HAUS4: variants seen among roughly 807,000 people sequenced by gnomAD.
HAUS4 encodes HAUS augmin-like complex subunit 4.
A neutral mutation model predicts 50.6 loss-of-function variants in HAUS4; 34 were observed. The ratio of observed to expected loss-of-function variants is 0.67; its 90% confidence interval spans 0.51 to 0.90. The LOEUF (loss-of-function observed/expected upper bound fraction) is 0.90. HAUS4 is among the 40% of genes least tolerant of loss of function. The pLI, the probability that HAUS4 is intolerant of heterozygous loss-of-function variation, is 0.00. For missense variants in HAUS4, 370 were observed against 428.7 expected (o/e 0.86, Z 1.21); for synonymous variants, 149 against 161.4 (o/e 0.92, Z 0.58).
In HAUS4 at chr14:22,952,385, C is replaced by A. The variant is rs960566552; in HGVS notation, c.273G>T (p.Leu91Phe). ...SEILHRVIQE[L>F]LVDYYVKIQD... ...GTATCTTCACATAGTAGTCCACAAG[C>A]AACTCTTGAATGACTCTGTGTAAAA... Residue 91 changes from leucine to phenylalanine, a missense_variant, in exon 4 of 10, where the codon TTG (leucine) becomes TTT (phenylalanine). Coordinates refer to ENST00000541587, the MANE Select transcript of HAUS4 (RefSeq NM_001166269.2). The A allele has an allele frequency of 6.2e-6, 10 of 1,613,940 alleles. No homozygotes were observed. In the Admixed American group the frequency reaches 1.5e-4, roughly 24 times the overall value.
chr14:22,947,713 T>C lies in HAUS4; in HGVS notation c.727A>G (p.Thr243Ala), dbSNP rs1364715705. The change falls in exon 8 of 10, where the codon ACT (threonine) becomes GCT (alanine). Residue 243 changes from threonine to alanine, a missense_variant. By Grantham distance (58) the Thr-to-Ala change is moderately conservative (BLOSUM62 0). Transcript: ENST00000541587. Reference sequence around the variant, plus strand: ...TCTTGAAGAAGCCTCTGCAGCAAAGTGAGGCAGCGGAGAAGCACCTGAGCC... The same window carrying C: ...TCTTGAAGAAGCCTCTGCAGCAAAGCGAGGCAGCGGAGAAGCACCTGAGCC... ...AYSQVLLRCLTLLQRLLQEHR... is the reference protein window; with the variant it reads ...AYSQVLLRCLALLQRLLQEHR... 6.2e-7 allele frequency: 1 copy of C among 1,613,994 alleles called. No homozygotes were observed. Among genetic ancestry groups the C allele is most frequent in the South Asian group, 1.1e-5 (1 of 91,072 alleles).
chr14:22,946,781 CTTTTT>C, intron 9 of HAUS4, 73 bp from the exon 10 acceptor site: 188 of 596,200 alleles, frequency 3.2e-4, no homozygotes, highest in African/African-American at 5.2e-4. Flanking sequence ...AAATGAAAAA[CTTTTT>C]TTTTTTTTTT....
intron 2 of HAUS4, chr14:22,954,685 C>T (rs1000901034): frequency 1.9e-5 from 3 of 156,618 alleles, no homozygotes; most frequent in African/African-American, 7.3e-5. Context: ...TCCTCAGAAA[C>T]ACATGCTTCT....
chr14:22,955,702 C>G (rs2044849564), intron 1 of HAUS4: 1 of 151,502 alleles, frequency 6.6e-6, no homozygotes, highest in African/African-American at 2.4e-5. Flanking sequence ...AATCATCCTT[C>G]AGGAATGACA....
chr14:22,948,584 G>A (rs1385864584), intron 6 of HAUS4, among the ~76,000 whole-genome samples: 7 of 151,620 alleles, frequency 4.6e-5, no homozygotes, highest in Non-Finnish European at 7.4e-5. Flanking sequence ...CACCTCGGCC[G>A]GAGTGCAGTG....
At chr14:22,950,998 T>A (rs1260939890) in intron 5 of HAUS4, among the ~76,000 whole-genome samples, 6 of 152,118 alleles carry the variant, frequency 3.9e-5, no homozygotes, top group Non-Finnish European at 7.4e-5. Context: ...TACATGAAAA[T>A]AGACTGTACT....
Position 22,951,625 on chromosome 14 carries a change from T to G in HAUS4, c.395A>C (p.Gln132Pro), listed in dbSNP as rs761536848. The change falls in exon 5 of 10, where the codon CAG (glutamine) becomes CCG (proline). Residue 132 changes from glutamine (Q) to proline (P), a missense_variant. Physicochemically the swap from Gln to Pro is moderately conservative, Grantham distance 76. Transcript: ENST00000541587. ...CAGCAGTGGAGGTATCTCCCTCTCC[T>G]GGCTAGGACCTAAGAGCCGCATCAG... ...TELMRLLGPS[Q>P]EREIPPLLGL... The G allele has an allele frequency of 6.2e-7, 1 of 1,613,992 alleles. No individual in the cohort carries two copies.
intron 2 of HAUS4, 94 bp from the exon 3 acceptor site, chr14:22,952,777 C>G (rs2044779239): frequency 6.9e-6 from 7 of 1,013,172 alleles, no homozygotes; most frequent in Non-Finnish European, 9.6e-6. Context: ...CCAAAAAACC[C>G]CTAGGATTTT....
In HAUS4 at chr14:22,946,304, T is replaced by G. The variant is rs2044642047; in HGVS notation, c.*221A>C. On this transcript the variant is annotated 3_prime_UTR_variant, in exon 10 of 10. Coordinates refer to ENST00000541587, the MANE Select transcript of HAUS4 (RefSeq NM_001166269.2). ...GCTGACACTGACACACAGCTATGCA[T>G]AAAAATTATATAAATCTCCTTGCTA... 4.8e-6 allele frequency: 2 copies of G among 413,456 alleles called. No homozygotes were observed. The highest frequency in any genetic ancestry group is 8.6e-6 in the Non-Finnish European group (2 of 233,572). The allele number at this position is 413,456 out of a possible 1,614,324, so 25.6% of individuals were successfully genotyped here.
Position 22,951,690 on chromosome 14 carries a change from CTGAG to C in HAUS4, c.331-5_331-2del. On this transcript the variant is annotated splice_acceptor_variant and splice_polypyrimidine_tract_variant and intron_variant, in intron 4 of 9. Coordinates refer to ENST00000541587, the MANE Select transcript of HAUS4 (RefSeq NM_001166269.2). LOFTEE classifies it high-confidence loss of function. ...GCCGCTGTTCAAGGGTCTCATGAAA[CTGAG>C]AGAGAGAGAATAAAAAACAAAAAGA... is the stretch of plus-strand genomic sequence containing the variant. 6.3e-7 allele frequency: 1 copy of C among 1,597,886 alleles called. No individual in the cohort carries two copies. Among genetic ancestry groups the C allele is most frequent in the Non-Finnish European group, 8.5e-7 (1 of 1,173,380 alleles).
rs2044642153 is a variant in HAUS4, at chr14:22,946,318, A to G, written c.*207T>C. On this transcript the variant is annotated 3_prime_UTR_variant, in exon 10 of 10. Transcript: ENST00000541587. ...ACAGCTATGCATAAAAATTATATAA[A>G]TCTCCTTGCTAGATTTTCCAGAAGA... 2.4e-6 allele frequency: 1 copy of G among 424,572 alleles called. No homozygotes were observed. The highest frequency in any genetic ancestry group is 4.1e-6 in the Non-Finnish European group (1 of 240,992). The allele number at this position is 424,572 out of a possible 1,614,324, so 26.3% of individuals were successfully genotyped here. A position where few individuals can be genotyped will look rare whatever the true frequency, so the allele number is the denominator to read the frequency against.
rs200215092 is a variant in HAUS4 at position 22,951,169 on chromosome 14, G to GTT, written c.465+384_465+385dup. ...GTGTGCACCACCAAACCTGGCTTTTGTTTTGTTTTTTTTTTGGTAGAGACG... is the reference window on the plus strand; with the variant it reads ...GTGTGCACCACCAAACCTGGCTTTTGTTTTTTGTTTTTTTTTTGGTAGAGACG... On this transcript the variant is annotated intron_variant, in intron 5 of 9. Coordinates refer to ENST00000541587, the MANE Select transcript of HAUS4 (RefSeq NM_001166269.2). Among the ~76,000 whole-genome samples, 12 of 144,578 alleles carry GTT rather than the reference G, an allele frequency of 8.3e-5. 1 individual carries two copies. Among genetic ancestry groups the GTT allele is most frequent in the Non-Finnish European group, 1.5e-4 (10 of 64,882 alleles). 94.8% of individuals were successfully genotyped at this position (144,578 alleles called of 152,430 possible).
At chr14:22,949,970 A>C (rs1174301388) in intron 6 of HAUS4, among the ~76,000 whole-genome samples, 2 of 151,848 alleles carry the variant, frequency 1.3e-5, no homozygotes, top group Non-Finnish European at 2.9e-5. Flanking sequence ...CTCTACTAAA[A>C]ATACAAAATT....
At chr14:22,955,403 T>C in intron 1 of HAUS4, 1 of 542,186 alleles carries the variant, frequency 1.8e-6, no homozygotes, top group South Asian at 2.2e-5. Flanking sequence ...TAAGCACACA[T>C]GTGTTTCCAC....
chr14:22,951,829 G>T (rs369721856), intron 4 of HAUS4, 140 bp from the exon 5 acceptor site: 2 of 698,234 alleles, frequency 2.9e-6, no homozygotes, highest in Non-Finnish European at 4.7e-6. Context: ...ACTCAGCTGC[G>T]AGTGACTTCT....
At chr14:22,948,456 G>GGGGGT (rs2044685747) in intron 6 of HAUS4, among the ~76,000 whole-genome samples, 1 of 138,624 alleles carries the variant, frequency 7.2e-6, no homozygotes, top group African/African-American at 2.7e-5. Context: ...AAAAAAAGCG[G>GGGGGT]GGGGGGGGAG....
intron 2 of HAUS4, among the ~76,000 whole-genome samples, chr14:22,953,881 C>G (rs2044808891): frequency 6.6e-6 from 1 of 151,424 alleles, no homozygotes; most frequent in Non-Finnish European, 1.5e-5. Flanking sequence ...CTGCCCGCCT[C>G]GGCTTCCCAA....
chr14:22,947,832 G>C, intron 7 of HAUS4, 36 bp downstream of exon 7: 2 of 1,611,286 alleles, frequency 1.2e-6, no homozygotes, highest in Non-Finnish European at 1.7e-6. Context: ...CTGGGGTCAG[G>C]ATAAAGGAAA....
At chr14:22,952,282 T>G (rs1485241917) in intron 4 of HAUS4, 46 bp downstream of exon 4, 1 of 1,530,166 alleles carries the variant, frequency 6.5e-7, no homozygotes, top group Admixed American at 1.7e-5. Flanking sequence ...GCTCCCAAAG[T>G]GCTGGGATTA....
Sources: allele counts gnomAD v4.1 joint callset (sites outside exome capture counted in the v4.1 genomes callset), GRCh38; gene constraint gnomAD v4.1.1; transcripts MANE v1.5; gene names NCBI Gene and HGNC (gene_info 2026-07-23, HGNC 2026-07-21).